The following STPG2 variants were observed in gnomAD, a reference collection of about 807,000 sequenced individuals.
STPG2 encodes sperm tail PG-rich repeat containing 2.
Under a neutral mutation model 54.2 loss-of-function variants are expected in STPG2, and 56 were observed. The ratio of observed to expected loss-of-function variants is 1.03; its 90% CI spans 0.83 to 1.29. The LOEUF is 1.29. Among genes scored for constraint, STPG2 ranks in the 50% most tolerant of loss-of-function variants. The pLI, the probability that STPG2 is intolerant of heterozygous loss-of-function variation, is 0.00. For synonymous variants in STPG2, 200 were observed against 181.8 expected, an observed-to-expected ratio of 1.10 and a Z score of -0.81; for missense variants, 596 against 544.9, an observed-to-expected ratio of 1.09 and a Z score of -0.93.
At chr4:97,538,312 C>A (rs1225923495) in intron 4 of STPG2, among the ~76,000 whole-genome samples, 1 of 152,082 alleles carries the variant, frequency 6.6e-6, no homozygotes, top group East Asian at 1.9e-4. Context: ...AGATGAATGG[C>A]TAATGAGAAC....
intron 5 of STPG2, among the ~76,000 whole-genome samples, chr4:98,104,808 A>G (rs75674062): frequency 0.046 from 6,996 of 152,270 alleles, 216 homozygotes; most frequent in Non-Finnish European, 0.068. Flanking sequence ...TGTACATTAG[A>G]TCTCACTAGA....
chr4:97,760,039 C>T (rs1158249803), intron 9 of STPG2, among the ~76,000 whole-genome samples: 1 of 152,190 alleles, frequency 6.6e-6, no homozygotes, highest in Non-Finnish European at 1.5e-5. Context: ...GTATAATCTT[C>T]TGCCACTCTC....
At chr4:97,506,612 G>T (rs1028964433) in intron 4 of STPG2, among the ~76,000 whole-genome samples, 2 of 151,820 alleles carry the variant, frequency 1.3e-5, no homozygotes, top group Admixed American at 6.6e-5. Flanking sequence ...GATGTACATG[G>T]AGAATTAAAA....
intron 9 of STPG2, among the ~76,000 whole-genome samples, chr4:97,792,691 T>C (rs1288857504): frequency 6.6e-6 from 1 of 152,184 alleles, no homozygotes; most frequent in Non-Finnish European, 1.5e-5. Context: ...ATACATTACA[T>C]GTCTAGGCAC....
chr4:97,688,547 T>G (rs910897281), intron 10 of STPG2, among the ~76,000 whole-genome samples: 1 of 152,102 alleles, frequency 6.6e-6, no homozygotes, highest in Admixed American at 6.5e-5. Flanking sequence ...TTTTGTATTT[T>G]TAGTAGAGAT....
intron 8 of STPG2, among the ~76,000 whole-genome samples, chr4:97,906,716 A>T (rs202007864): frequency 6.6e-6 from 1 of 151,892 alleles, no homozygotes; most frequent in East Asian, 1.9e-4. Context: ...TTCAATATAC[A>T]CAAATCAATA....
rs539568220 is a variant in STPG2, at chr4:97,674,227, G to GA, written c.1320+38471_1320+38472insT. ...TTGAGGGCAAGAGTGAGAGTAATAG[G>GA]TCTTTCACGTAACAGAGGTTCACAC... On this transcript the variant is annotated intron_variant, in intron 10 of 10. Coordinates refer to ENST00000295268, the MANE Select transcript of STPG2 (RefSeq NM_174952.3). 1.3e-3 allele frequency among the ~76,000 whole-genome samples: 202 copies of GA among 152,180 alleles called. 1 individual carries two copies. The highest frequency in any genetic ancestry group is 4.7e-3 in the African/African-American group (195 of 41,514).
At chr4:97,479,868 C>G (rs1206919396) in intron 4 of STPG2, among the ~76,000 whole-genome samples, 1 of 151,796 alleles carries the variant, frequency 6.6e-6, no homozygotes, top group Non-Finnish European at 1.5e-5. Context: ...AAAGTGATTC[C>G]TACAATTGAA....
chr4:97,747,296 G>C (rs762331617), intron 9 of STPG2, among the ~76,000 whole-genome samples: 9 of 151,296 alleles, frequency 5.9e-5, no homozygotes, highest in Non-Finnish European at 1.2e-4. Context: ...TATTGAATGA[G>C]TAACTCAAAA....
intron 4 of STPG2, among the ~76,000 whole-genome samples, chr4:97,470,572 T>C (rs1230012116): frequency 6.6e-6 from 1 of 152,136 alleles, no homozygotes; most frequent in Non-Finnish European, 1.5e-5. Context: ...GTTGTTGTTG[T>C]TTTTATACAC....
intron 8 of STPG2, among the ~76,000 whole-genome samples, chr4:97,863,012 C>T (rs1729614354): frequency 6.6e-6 from 1 of 152,104 alleles, no homozygotes; most frequent in Non-Finnish European, 1.5e-5. Context: ...CTAAAATTGA[C>T]ACCCTAACAT....
intron 7 of STPG2, among the ~76,000 whole-genome samples, chr4:97,961,895 G>C (rs1449519142): frequency 6.6e-6 from 1 of 152,128 alleles, no homozygotes; most frequent in Admixed American, 6.6e-5. Context: ...ATATGAAAAA[G>C]ATACTTGCAC....
intron 4 of STPG2, among the ~76,000 whole-genome samples, chr4:97,456,535 A>G (rs1453986006): frequency 6.6e-6 from 1 of 152,172 alleles, no homozygotes; most frequent in Non-Finnish European, 1.5e-5. Context: ...ACAGAGCCAA[A>G]CCATATTACT....
chr4:98,006,698 A>T (rs1735584584), intron 5 of STPG2, among the ~76,000 whole-genome samples: 1 of 152,176 alleles, frequency 6.6e-6, no homozygotes, highest in African/African-American at 2.4e-5. Flanking sequence ...TTTGCTGACA[A>T]GCTCTGATTT....
chr4:97,547,446 G>T (rs904032140), intron 4 of STPG2, among the ~76,000 whole-genome samples: 1 of 152,148 alleles, frequency 6.6e-6, no homozygotes, highest in African/African-American at 2.4e-5. Context: ...TCCTGACCTT[G>T]TGATTCACCC....
intron 10 of STPG2, among the ~76,000 whole-genome samples, chr4:97,702,318 G>A (rs1372771799): frequency 6.6e-6 from 1 of 152,128 alleles, no homozygotes. Flanking sequence ...CCAACTCTAT[G>A]TTCCTTTCAA....
At chr4:97,981,067 A>G (rs1232532246) in intron 6 of STPG2, 92 bp downstream of exon 6, 7 of 1,383,456 alleles carry the variant, frequency 5.1e-6, no homozygotes, top group Non-Finnish European at 5.8e-6. Flanking sequence ...AGGACAAAAA[A>G]GAAAACATAC....
At chr4:97,515,083 AAGTTC>A (rs1731047622) in intron 4 of STPG2, among the ~76,000 whole-genome samples, 1 of 152,118 alleles carries the variant, frequency 6.6e-6, no homozygotes, top group Admixed American at 6.6e-5. Context: ...CGTGACTAAT[AAGTTC>A]TATAAAGATA....
chr4:97,620,563 G>A (rs537085267), intron 10 of STPG2, among the ~76,000 whole-genome samples: 16 of 152,092 alleles, frequency 1.1e-4, no homozygotes, highest in African/African-American at 1.7e-4. Flanking sequence ...AACACATATC[G>A]GTAAAGAGTT....
Sources: gnomAD v4.1 joint callset for allele counts (sites outside exome capture counted in the v4.1 genomes callset) on GRCh38, gnomAD v4.1.1 for gene constraint, MANE v1.5 for transcripts, NCBI Gene and HGNC (gene_info 2026-07-23, HGNC 2026-07-21) for gene names.